The following LTBP1 variants were observed in gnomAD, a reference collection of about 807,000 sequenced individuals.
LTBP1 encodes the protein latent-transforming growth factor beta-binding protein 1.
In LTBP1, 129 loss-of-function variants were observed where a neutral mutation model predicts 207.6. That is an observed-to-expected ratio of 0.62 (90% confidence interval 0.54 to 0.72). The LOEUF is 0.72. Ranked by LOEUF, LTBP1 falls within the 30% of genes least tolerant of loss-of-function variation. The pLI is 0.00. For missense variants in LTBP1, 2,281 were observed against 2,217.2 expected (o/e 1.03, Z -0.58); for synonymous variants, 963 against 833.7 (o/e 1.16, Z -2.67).
Position 33,134,590 on chromosome 2 carries a change from T to A in LTBP1, c.1034-203T>A. ...TTCTGTTTGCTAAGCTTCCTACTCC[T>A]GTTTCAGAGACACCACTGAATACAG... On this transcript the variant is annotated intron_variant, in intron 4 of 33. Transcript: ENST00000404816. The surrounding 1 kb of genome is among the most constrained non-coding windows in gnomAD (Gnocchi z 4.4). The A allele has an allele frequency of 6.5e-7, 1 of 1,537,472 alleles. No individual in the cohort carries two copies. The highest frequency in any genetic ancestry group is 8.8e-7 in the Non-Finnish European group (1 of 1,140,078).
In LTBP1 at chr2:33,280,104, T is replaced by C; in HGVS notation, c.3058T>C (p.Tyr1020His). Reference protein sequence around the residue: ...DEQCVNSPGSYQCVPCTEGFR... With the variant: ...DEQCVNSPGSHQCVPCTEGFR... ...GCAGTGTGTGAATTCTCCTGGATCT[T>C]ACCAGTGCGTTCCCTGCACAGAAGG... The change falls in exon 19 of 34, where the codon TAC becomes CAC. Residue 1020 changes from tyrosine to histidine, a missense_variant. Tyr to His is a moderately conservative substitution (Grantham distance 83). Around this residue, in one of 3 missense-constraint regions of LTBP1, gnomAD observed 1,671 missense variants for 1,634.8 expected, o/e 1.02. Transcript: ENST00000404816. The C allele has an allele frequency of 6.2e-7, 1 of 1,614,130 alleles. No individual in the cohort carries two copies. Among genetic ancestry groups the C allele is most frequent in the South Asian group, 1.1e-5 (1 of 91,078 alleles).
intron 3 of LTBP1, among the ~76,000 whole-genome samples, chr2:33,051,409 C>T (rs115433950): frequency 4.7e-4 from 71 of 151,992 alleles, no homozygotes; most frequent in African/African-American, 1.6e-3. Flanking sequence ...AGAGCAAGAT[C>T]GTGTTTCTAA....
intron 2 of LTBP1, among the ~76,000 whole-genome samples, chr2:32,980,682 C>T (rs1424133863): frequency 1.3e-5 from 2 of 152,050 alleles, no homozygotes; most frequent in African/African-American, 4.8e-5. Context: ...AGTTTTGTAC[C>T]TTCAGATGAT....
At chr2:33,227,737 T>A (rs1044733763) in intron 9 of LTBP1, among the ~76,000 whole-genome samples, 15 of 151,912 alleles carry the variant, frequency 9.9e-5, no homozygotes, top group African/African-American at 3.1e-4. Context: ...GCCCAATTTT[T>A]AAAAAATAGA....
chr2:33,324,859 A>T (rs2094406682), intron 24 of LTBP1, among the ~76,000 whole-genome samples: 1 of 151,596 alleles, frequency 6.6e-6, no homozygotes, highest in Non-Finnish European at 1.5e-5. Flanking sequence ...GTGCCACCAC[A>T]CCCGACTAAT....
Position 33,193,804 on chromosome 2 carries a change from T to TA in LTBP1, c.1701+4954dup, listed in dbSNP as rs1467025640. On this transcript the variant is annotated intron_variant, in intron 7 of 33. Transcript: ENST00000404816. ...CATATAAGATGGCAAACTTAATTGA[T>TA]ACATGTGTATTCTCTGACTGCTCTA... 5.3e-5 allele frequency among the ~76,000 whole-genome samples: 8 copies of TA among 152,310 alleles called. No homozygotes were observed. In the South Asian group the frequency reaches 1.2e-3, roughly 24 times the overall value.
At chr2:33,000,192 A>T (rs1685893512) in intron 2 of LTBP1, among the ~76,000 whole-genome samples, 1 of 135,644 alleles carries the variant, frequency 7.4e-6, no homozygotes, top group Non-Finnish European at 1.6e-5. Context: ...ACAGGGCTCC[A>T]GGCCTTGCCC....
At chr2:33,275,220 C>T in intron 17 of LTBP1, 130 bp downstream of exon 17, 4 of 1,054,886 alleles carry the variant, frequency 3.8e-6, no homozygotes, top group Non-Finnish European at 5.4e-6. Flanking sequence ...TGACAGCAGT[C>T]TGCTAGATCC....
intron 21 of LTBP1, among the ~76,000 whole-genome samples, 193 bp from the exon 22 acceptor site, chr2:33,301,329 G>A (rs73925009): frequency 1.2e-3 from 189 of 152,232 alleles, no homozygotes; most frequent in African/African-American, 3.9e-3. Flanking sequence ...CAATATCCAC[G>A]TCTTCATGTA....
At chr2:33,195,787 C>T (rs1344317489) in intron 7 of LTBP1, among the ~76,000 whole-genome samples, 1 of 152,148 alleles carries the variant, frequency 6.6e-6, no homozygotes, top group Non-Finnish European at 1.5e-5. Flanking sequence ...GTATCACTTA[C>T]TACAGAGAAA....
intron 24 of LTBP1, among the ~76,000 whole-genome samples, chr2:33,334,575 T>A (rs1015898504): frequency 6.6e-6 from 1 of 152,188 alleles, no homozygotes; most frequent in Admixed American, 6.5e-5. Flanking sequence ...TGACTGGATG[T>A]GGAGCAGTAA....
chr2:33,210,784 G>A (rs1462067403), intron 7 of LTBP1, among the ~76,000 whole-genome samples: 5 of 152,184 alleles, frequency 3.3e-5, no homozygotes, highest in Non-Finnish European at 7.3e-5. Context: ...GGTGGTTGGT[G>A]TTATGCTTAG....
intron 9 of LTBP1, among the ~76,000 whole-genome samples, chr2:33,233,679 C>G (rs1004673153): frequency 2.4e-4 from 37 of 151,998 alleles, no homozygotes; most frequent in African/African-American, 8.9e-4. Flanking sequence ...TGGTCTAGAG[C>G]TAGATTATAA....
At chr2:33,233,162 C>G (rs1013405713) in intron 9 of LTBP1, among the ~76,000 whole-genome samples, 2 of 152,138 alleles carry the variant, frequency 1.3e-5, no homozygotes, top group African/African-American at 4.8e-5. Flanking sequence ...TGCTGAAACT[C>G]TCATTAAACA....
chr2:33,388,895 C>T (rs915455024), intron 31 of LTBP1, among the ~76,000 whole-genome samples: 8 of 152,174 alleles, frequency 5.3e-5, no homozygotes, highest in South Asian at 2.1e-4. Context: ...CAGATGGCTC[C>T]GTTTTGTCAG....
At position 33,365,626 on chromosome 2, in the gene LTBP1, C is replaced by CGTGTGTGTGT. The variant is rs144867482; in HGVS notation, c.4711+138_4711+147dup. Reference sequence around the variant, plus strand: ...CACTCCTGATATCTTACTTTCATCCCGTGTGTGTGTGTGTGTGTGTGTGTA... The same window carrying CGTGTGTGTGT: ...CACTCCTGATATCTTACTTTCATCCCGTGTGTGTGTGTGTGTGTGTGTGTGTGTGTGTGTA... On this transcript the variant is annotated intron_variant, in intron 31 of 33. Coordinates refer to ENST00000404816, the MANE Select transcript of LTBP1 (RefSeq NM_206943.4). 1.4e-3 allele frequency: 1,011 copies of CGTGTGTGTGT among 711,920 alleles called. 6 individuals carry two copies. The highest frequency in any genetic ancestry group is 0.011 in the African/African-American group (592 of 53,074). 44.1% of individuals were successfully genotyped at this position (711,920 alleles called of 1,614,324 possible).
intron 3 of LTBP1, among the ~76,000 whole-genome samples, chr2:33,094,595 G>A (rs185444006): frequency 5.2e-4 from 79 of 152,292 alleles, no homozygotes; most frequent in African/African-American, 1.9e-3. Context: ...ATTATCACAT[G>A]AGTTACAGAT....
intron 24 of LTBP1, among the ~76,000 whole-genome samples, chr2:33,323,358 T>C (rs2094383060): frequency 6.6e-6 from 1 of 152,138 alleles, no homozygotes; most frequent in Non-Finnish European, 1.5e-5. Context: ...AAAAATCGAC[T>C]AGGCGCGGTA....
At chr2:33,182,076 ATATTT>A (rs1330276784) in intron 5 of LTBP1, among the ~76,000 whole-genome samples, 1 of 152,158 alleles carries the variant, frequency 6.6e-6, no homozygotes, top group African/African-American at 2.4e-5. Context: ...TGGAGAATAG[ATATTT>A]TATTTATTAT....
Sources: allele counts gnomAD v4.1 joint callset (sites outside exome capture counted in the v4.1 genomes callset), GRCh38; gene constraint gnomAD v4.1.1; regional missense constraint gnomAD v4.1.1; non-coding constraint Gnocchi (gnomAD v3.1); transcripts MANE v1.5; gene names NCBI Gene and HGNC (gene_info 2026-07-23, HGNC 2026-07-21).